The following NFIB variants were observed in gnomAD, a reference collection of about 807,000 sequenced individuals.
NFIB encodes the protein nuclear factor 1 B-type.
Under a neutral mutation model 61.5 loss-of-function variants are expected in NFIB, and 11 were observed. The ratio of observed to expected loss-of-function variants is 0.18; its 90% CI spans 0.11 to 0.30. The LOEUF (loss-of-function observed/expected upper bound fraction) is 0.30, where lower values mean the gene tolerates loss of function less well. Among genes scored for constraint, NFIB ranks in the 10% least tolerant of loss-of-function variants. The probability of loss-of-function intolerance (pLI) is 1.00; values close to 1 mark genes in which losing one functional copy is unlikely to be tolerated. For missense variants in NFIB, 471 were observed against 608.9 expected (o/e 0.77, Z 2.38); for synonymous variants, 260 against 216.5 (o/e 1.20, Z -1.76).
At chr9:14,384,546 A>T (rs2061527154) in intron 1 of NFIB, among the ~76,000 whole-genome samples, 1 of 152,160 alleles carries the variant, frequency 6.6e-6, no homozygotes, top group South Asian at 2.1e-4. Flanking sequence ...CAAAAAAAGA[A>T]CCATATGGTA....
intron 2 of NFIB, among the ~76,000 whole-genome samples, chr9:14,241,365 T>C (rs1292153481): frequency 6.6e-6 from 1 of 152,204 alleles, no homozygotes; most frequent in Non-Finnish European, 1.5e-5. Flanking sequence ...CAGCAGTTCA[T>C]AATACATAAG....
At chr9:14,168,351 T>C (rs1186445798) in intron 3 of NFIB, among the ~76,000 whole-genome samples, 1 of 151,954 alleles carries the variant, frequency 6.6e-6, no homozygotes, top group Non-Finnish European at 1.5e-5. Context: ...AAAATAGAGA[T>C]AAAATAGTGC....
the NFIB span, among the ~76,000 whole-genome samples, chr9:14,459,012 A>G: frequency 6.6e-6 from 1 of 152,188 alleles, no homozygotes; most frequent in African/African-American, 2.4e-5. Context: ...ATTGGAAAAA[A>G]CTACTTTAAA....
At chr9:14,424,033 G>A in the NFIB span, among the ~76,000 whole-genome samples, 1 of 152,008 alleles carries the variant, frequency 6.6e-6, no homozygotes, top group African/African-American at 2.4e-5. Context: ...GGTGGGGGCT[G>A]GGTATGCTTG....
intron 2 of NFIB, among the ~76,000 whole-genome samples, chr9:14,214,306 C>A (rs1273013416): frequency 6.6e-6 from 1 of 152,204 alleles, no homozygotes; most frequent in Non-Finnish European, 1.5e-5. Context: ...AGCATGGACC[C>A]ATGCAGTCAC....
At chr9:14,384,626 A>C (rs2133011927) in intron 1 of NFIB, among the ~76,000 whole-genome samples, 1 of 152,338 alleles carries the variant, frequency 6.6e-6, no homozygotes, top group African/African-American at 2.4e-5. Flanking sequence ...ATCCAAGGTC[A>C]GGTGTCATTA....
the NFIB span, among the ~76,000 whole-genome samples, chr9:14,434,483 G>A: frequency 6.6e-6 from 1 of 152,182 alleles, no homozygotes; most frequent in Non-Finnish European, 1.5e-5. Context: ...AGAACAAAAT[G>A]GGGACTGCAG....
chr9:14,526,102 C>T, the NFIB span, among the ~76,000 whole-genome samples: 1 of 152,042 alleles, frequency 6.6e-6, no homozygotes, highest in Non-Finnish European at 1.5e-5. Context: ...CCAGAGGTCA[C>T]CAAATCTACA....
At chr9:14,212,854 A>T (rs1234136157) in intron 2 of NFIB, among the ~76,000 whole-genome samples, 1 of 152,210 alleles carries the variant, frequency 6.6e-6, no homozygotes, top group Admixed American at 6.5e-5. Context: ...CATTTCATAG[A>T]TAAGGAAATT....
At chr9:14,526,308 G>A in the NFIB span, among the ~76,000 whole-genome samples, 14 of 152,120 alleles carry the variant, frequency 9.2e-5, no homozygotes, top group Non-Finnish European at 1.9e-4. Flanking sequence ...TACATGATAT[G>A]TTAAATCTGT....
At chr9:14,484,088 T>C in the NFIB span, among the ~76,000 whole-genome samples, 1 of 152,250 alleles carries the variant, frequency 6.6e-6, no homozygotes, top group Non-Finnish European at 1.5e-5. Flanking sequence ...ACCTACTTTA[T>C]TACCTAGTTA....
intron 1 of NFIB, among the ~76,000 whole-genome samples, chr9:14,348,096 C>G (rs1221063065): frequency 2.0e-5 from 3 of 152,224 alleles, no homozygotes. Context: ...CCCAAGTTCT[C>G]CCTGCACCCT....
At chr9:14,223,276 A>T (rs545687116) in intron 2 of NFIB, among the ~76,000 whole-genome samples, 1 of 152,142 alleles carries the variant, frequency 6.6e-6, no homozygotes, top group South Asian at 2.1e-4. Context: ...CACACTTATG[A>T]TTCCCGCAGG....
chr9:14,094,892 T>G (rs909087965), intron 10 of NFIB, among the ~76,000 whole-genome samples: 5 of 152,178 alleles, frequency 3.3e-5, no homozygotes, highest in African/African-American at 1.2e-4. Flanking sequence ...GATTCAGAAG[T>G]TTTTTGTTCT....
At chr9:14,322,828 C>G (rs1227779678) in intron 1 of NFIB, among the ~76,000 whole-genome samples, 1 of 151,868 alleles carries the variant, frequency 6.6e-6, no homozygotes, top group Non-Finnish European at 1.5e-5. Context: ...CTTTGTGCGG[C>G]CGCATGGGGC....
At chr9:14,505,927 T>C in the NFIB span, among the ~76,000 whole-genome samples, 1 of 152,210 alleles carries the variant, frequency 6.6e-6, no homozygotes, top group Non-Finnish European at 1.5e-5. Flanking sequence ...GATGTATTTT[T>C]TGAGCCACTC....
At chr9:14,353,901 C>A (rs531730274) in intron 1 of NFIB, among the ~76,000 whole-genome samples, 13 of 145,410 alleles carry the variant, frequency 8.9e-5, no homozygotes, top group Admixed American at 2.1e-4. Context: ...CAGGACAATG[C>A]CTGTTTAGAA....
intron 2 of NFIB, among the ~76,000 whole-genome samples, chr9:14,219,261 G>A (rs2051329513): frequency 6.6e-6 from 1 of 151,864 alleles, no homozygotes. Context: ...AACAAGAAGA[G>A]CAAATCTAAG....
intron 1 of NFIB, among the ~76,000 whole-genome samples, chr9:14,350,406 G>C (rs1422556882): frequency 3.3e-5 from 5 of 149,490 alleles, no homozygotes; most frequent in Admixed American, 3.3e-4. Flanking sequence ...GTTTAGTTTG[G>C]TTTTGCCTCT....
Sources: gnomAD v4.1 joint callset for allele counts (sites outside exome capture counted in the v4.1 genomes callset) on GRCh38, gnomAD v4.1.1 for gene constraint, MANE v1.5 for transcripts, NCBI Gene and HGNC (gene_info 2026-07-23, HGNC 2026-07-21) for gene names.